Variants in KSR2 observed in about 807,000 individuals in gnomAD.
The protein encoded by KSR2 is kinase suppressor of ras 2.
In KSR2, 25 loss-of-function variants were observed where a neutral mutation model predicts 107.8. The ratio of observed to expected loss-of-function variants is 0.23; its 90% confidence interval spans 0.17 to 0.32. The LOEUF (loss-of-function observed/expected upper bound fraction) is 0.32, where lower values mean the gene tolerates loss of function less well. Ranked by LOEUF, KSR2 falls within the 10% of genes least tolerant of loss-of-function variation. KSR2 has a pLI of 1.00. For synonymous variants in KSR2, 480 were observed against 507.0 expected (o/e 0.95, Z 0.71); for missense variants, 887 against 1,268.9 (o/e 0.70, Z 4.57).
At chr12:117,517,432 T>C (rs1874446333) in intron 14 of KSR2, among the ~76,000 whole-genome samples, 1 of 152,226 alleles carries the variant, frequency 6.6e-6, no homozygotes, top group South Asian at 2.1e-4. Context: ...TTCACTTGTG[T>C]AATAAGATAC....
At chr12:117,836,577 G>A (rs113789539) in intron 3 of KSR2, among the ~76,000 whole-genome samples, 1 of 152,144 alleles carries the variant, frequency 6.6e-6, no homozygotes, top group Non-Finnish European at 1.5e-5. Flanking sequence ...GTTCCGATAG[G>A]GAAGAGGCTG....
At chr12:117,822,020 A>C (rs1339451241) in intron 3 of KSR2, among the ~76,000 whole-genome samples, 1 of 152,196 alleles carries the variant, frequency 6.6e-6, no homozygotes, top group East Asian at 1.9e-4. Flanking sequence ...AAGCCGGCTA[A>C]AACTCACCAA....
At chr12:117,522,548 G>A (rs930383454) in intron 14 of KSR2, among the ~76,000 whole-genome samples, 6 of 152,154 alleles carry the variant, frequency 3.9e-5, no homozygotes, top group African/African-American at 1.2e-4. Context: ...GTAGTAAATC[G>A]CAAAAATAGC....
intron 5 of KSR2, among the ~76,000 whole-genome samples, chr12:117,624,409 T>C (rs990247137): frequency 6.6e-6 from 1 of 151,984 alleles, no homozygotes; most frequent in Non-Finnish European, 1.5e-5. Context: ...GTATAAGGTG[T>C]AAGGGATCCA....
intron 16 of KSR2, among the ~76,000 whole-genome samples, chr12:117,481,854 C>T (rs1373859208): frequency 6.6e-6 from 1 of 152,176 alleles, no homozygotes; most frequent in Non-Finnish European, 1.5e-5. Context: ...CTCCTGGCCT[C>T]TGGCGGCTGC....
chr12:117,652,988 G>A (rs976857780), intron 5 of KSR2, among the ~76,000 whole-genome samples: 29 of 152,308 alleles, frequency 1.9e-4, no homozygotes, highest in African/African-American at 6.3e-4. Context: ...AGTGGGAAAG[G>A]CCAAATGGAA....
intron 3 of KSR2, among the ~76,000 whole-genome samples, chr12:117,806,440 G>A (rs755693746): frequency 1.3e-5 from 2 of 152,154 alleles, no homozygotes; most frequent in Non-Finnish European, 2.9e-5. Context: ...CCTAAAATTC[G>A]TCTAGGGCTC....
Position 117,465,253 on chromosome 12 carries a change from CA to C in KSR2, c.*1945del, listed in dbSNP as rs797005025. 66 of 152,372 alleles carry C rather than the reference CA, an allele frequency of 4.3e-4. No homozygotes were observed. The highest frequency in any genetic ancestry group is 1.5e-3 in the African/African-American group (63 of 41,554). 9.4% of individuals were successfully genotyped at this position (152,372 alleles called of 1,614,324 possible). On this transcript the variant is annotated 3_prime_UTR_variant, in exon 20 of 20. Transcript: ENST00000339824. ...GTCCATTGACAAGAGCCATCCCCAG[CA>C]ACCCCAGAGTGGCTGGGGCTCAGGC... is the stretch of plus-strand genomic sequence containing the variant.
intron 5 of KSR2, among the ~76,000 whole-genome samples, chr12:117,651,799 T>C (rs2138697): frequency 0.9 from 136,788 of 152,186 alleles, 61,728 homozygotes; most frequent in African/African-American, 0.98. Context: ...CAATGTCTTA[T>C]GAAATAGATT....
At chr12:117,771,786 A>G (rs1010202665) in intron 3 of KSR2, among the ~76,000 whole-genome samples, 2 of 152,142 alleles carry the variant, frequency 1.3e-5, no homozygotes, top group Non-Finnish European at 2.9e-5. Flanking sequence ...ATCACATGGC[A>G]TCCTGCAGCT....
At chr12:117,824,856 CAAAA>C (rs146100153) in intron 3 of KSR2, among the ~76,000 whole-genome samples, 5 of 74,992 alleles carry the variant, frequency 6.7e-5, no homozygotes, top group East Asian at 3.3e-4. Flanking sequence ...GACTCTATCT[CAAAA>C]AAAAAAAAAA....
Position 117,850,996 on chromosome 12 carries a change from T to C in KSR2, c.472+4432A>G, listed in dbSNP as rs143940916. Reference sequence around the variant, plus strand: ...AAACAGGTAAGCATTAAAATGTTTTTAAGTGGCACCATCACCTGCAGGAAC... The same window carrying C: ...AAACAGGTAAGCATTAAAATGTTTTCAAGTGGCACCATCACCTGCAGGAAC... On this transcript the variant is annotated intron_variant, in intron 3 of 19. Coordinates refer to ENST00000339824, the MANE Select transcript of KSR2 (RefSeq NM_173598.6). 1.6e-3 allele frequency among the ~76,000 whole-genome samples: 237 copies of C among 152,298 alleles called. 2 individuals carry two copies. The highest frequency in any genetic ancestry group is 5.3e-3 in the African/African-American group (219 of 41,564).
chr12:117,964,745 G>T (rs1285671946), intron 1 of KSR2, among the ~76,000 whole-genome samples: 2 of 152,178 alleles, frequency 1.3e-5, no homozygotes, highest in Non-Finnish European at 2.9e-5. Context: ...AATTATTGCT[G>T]TTTTGCCAAA....
intron 5 of KSR2, among the ~76,000 whole-genome samples, chr12:117,586,583 G>GA (rs60193111): frequency 0.012 from 628 of 54,590 alleles, 9 homozygotes; most frequent in African/African-American, 0.035. Context: ...GCCAAACTCC[G>GA]AAAAAAAAAA....
chr12:117,690,359 T>C (rs898746619), intron 4 of KSR2, among the ~76,000 whole-genome samples: 2 of 151,992 alleles, frequency 1.3e-5, no homozygotes, highest in African/African-American at 4.8e-5. Context: ...AGGTCAAGAG[T>C]TCGAGACCAG....
chr12:117,595,995 C>T (rs549451042), intron 5 of KSR2, among the ~76,000 whole-genome samples: 1 of 152,094 alleles, frequency 6.6e-6, no homozygotes, highest in Non-Finnish European at 1.5e-5. Context: ...CAGTTGAGCC[C>T]CTGGAGCTTC....
At chr12:117,476,194 A>G (rs1673628372) in intron 17 of KSR2, among the ~76,000 whole-genome samples, 1 of 152,252 alleles carries the variant, frequency 6.6e-6, no homozygotes, top group Admixed American at 6.5e-5. Context: ...CCTAGCACAT[A>G]GTAGGCAGCC....
chr12:117,835,793 C>T (rs1365593088), intron 3 of KSR2, among the ~76,000 whole-genome samples: 1 of 152,038 alleles, frequency 6.6e-6, no homozygotes, highest in African/African-American at 2.4e-5. Flanking sequence ...CCCCAAATGT[C>T]AACAGTGCCA....
At chr12:117,588,966 C>T (rs1189174594) in intron 5 of KSR2, among the ~76,000 whole-genome samples, 1 of 152,190 alleles carries the variant, frequency 6.6e-6, no homozygotes, top group Non-Finnish European at 1.5e-5. Flanking sequence ...TCATTTAATC[C>T]ACACAATCTT....
Sources: allele counts gnomAD v4.1 joint callset (sites outside exome capture counted in the v4.1 genomes callset), GRCh38; gene constraint gnomAD v4.1.1; transcripts MANE v1.5; gene names NCBI Gene and HGNC (gene_info 2026-07-23, HGNC 2026-07-21).